Variants in AK6 observed in about 807,000 individuals in gnomAD.
AK6 encodes the protein adenylate kinase 6, also known as adenylate kinase isoenzyme 6.
A neutral mutation model predicts 23.7 loss-of-function variants in AK6; 24 were observed. That is an observed-to-expected ratio of 1.01 (90% CI 0.73 to 1.43). The LOEUF (loss-of-function observed/expected upper bound fraction) is 1.43, where lower values mean the gene tolerates loss of function less well. AK6 is among the 40% of genes most tolerant of loss of function. The pLI is 0.00. For synonymous variants in AK6, 73 were observed against 69.8 expected, an observed-to-expected ratio of 1.05 and a Z score of -0.23; for missense variants, 191 against 199.1, an observed-to-expected ratio of 0.96 and a Z score of 0.24.
intron 2 of AK6, among the ~76,000 whole-genome samples, chr5:69,359,547 A>G (rs1340448335): frequency 6.6e-6 from 1 of 152,100 alleles, no homozygotes; most frequent in Non-Finnish European, 1.5e-5. Flanking sequence ...GCCAGGCCCC[A>G]CAAAATTTTT....
intron 2 of AK6, among the ~76,000 whole-genome samples, chr5:69,364,524 T>G (rs1436416327): frequency 6.6e-6 from 1 of 152,172 alleles, no homozygotes; most frequent in East Asian, 1.9e-4. Context: ...AGGGGAGTCA[T>G]GGTTATACTT....
chr5:69,367,494 G>C (rs1762495183), intron 1 of AK6, among the ~76,000 whole-genome samples: 1 of 119,670 alleles, frequency 8.4e-6, no homozygotes, highest in Non-Finnish European at 1.7e-5. Flanking sequence ...TGGCGACAGA[G>C]ACTCCATCTC....
chr5:69,354,362 A>G (rs569019115), intron 4 of AK6, among the ~76,000 whole-genome samples: 2 of 152,274 alleles, frequency 1.3e-5, no homozygotes, highest in Non-Finnish European at 2.9e-5. Context: ...AACTTTTTCT[A>G]TATGTATATT....
intron 2 of AK6, among the ~76,000 whole-genome samples, chr5:69,361,957 A>T (rs1222860183): frequency 1.4e-5 from 2 of 146,212 alleles, no homozygotes; most frequent in Non-Finnish European, 3.0e-5. Flanking sequence ...CAGTTTTCTT[A>T]AACTTGATTC....
At chr5:69,360,969 G>A (rs1344770025) in intron 2 of AK6, among the ~76,000 whole-genome samples, 1 of 152,124 alleles carries the variant, frequency 6.6e-6, no homozygotes, top group Non-Finnish European at 1.5e-5. Flanking sequence ...ATATTACTTC[G>A]TCTAGACCTA....
At chr5:69,368,187 A>G (rs1275005399) in intron 1 of AK6, among the ~76,000 whole-genome samples, 1 of 152,234 alleles carries the variant, frequency 6.6e-6, no homozygotes, top group African/African-American at 2.4e-5. Flanking sequence ...TTTGTTATAT[A>G]AATACAACAC....
intron 1 of AK6, among the ~76,000 whole-genome samples, chr5:69,367,028 G>T (rs1365216426): frequency 6.6e-6 from 1 of 151,916 alleles, no homozygotes; most frequent in African/African-American, 2.4e-5. Context: ...TAAAGTGCTG[G>T]GATTACAGGC....
Position 69,369,512 on chromosome 5 carries a change from G to C in AK6, c.-22C>G, listed in dbSNP as rs1418790223. Reference sequence around the variant, plus strand: ...ACATGGTCCCCGCCGCGACGGCTTCGGGCGCCTCGCTCACGTGCCCTTTGC... The same window carrying C: ...ACATGGTCCCCGCCGCGACGGCTTCCGGCGCCTCGCTCACGTGCCCTTTGC... On this transcript the variant is annotated 5_prime_UTR_variant, in exon 1 of 5. Transcript: ENST00000380822. 6.2e-6 allele frequency: 10 copies of C among 1,611,070 alleles called. No homozygotes were observed. Among genetic ancestry groups the C allele is most frequent in the African/African-American group, 1.3e-5 (1 of 74,814 alleles).
intron 1 of AK6, 149 bp downstream of exon 1, chr5:69,369,314 C>T: frequency 1.5e-6 from 1 of 667,626 alleles, no homozygotes; most frequent in Non-Finnish European, 2.1e-6. Flanking sequence ...CCGCGAGGGT[C>T]GGCTCCCGGG....
chr5:69,356,036 G>A (rs2150730805), intron 2 of AK6, 83 bp from the exon 3 acceptor site: 2 of 1,167,078 alleles, frequency 1.7e-6, no homozygotes, highest in South Asian at 1.4e-5. Context: ...CTTCAGGAAA[G>A]GAAATGTATC....
intron 1 of AK6, among the ~76,000 whole-genome samples, chr5:69,368,173 ACT>A (rs957554752): frequency 6.6e-6 from 1 of 152,122 alleles, no homozygotes; most frequent in Non-Finnish European, 1.5e-5. Flanking sequence ...ATATGTACAT[ACT>A]CTTTGTTATA....
chr5:69,368,906 G>A lies in AK6; in HGVS notation c.28+557C>T, dbSNP rs566959325. On this transcript the variant is annotated intron_variant, in intron 1 of 4. Coordinates refer to ENST00000380822, the MANE Select transcript of AK6 (RefSeq NM_016283.5). ...TATGCCTTCCTTTTAAGGGGCGGGG[G>A]GATCCTTTGATGTAACTCAACAAAA... The A allele has an allele frequency of 2.2e-3, 344 of 153,024 alleles. 2 individuals are homozygous for A. The highest frequency in any genetic ancestry group is 3.4e-3 in the Middle Eastern group (1 of 296). 9.5% of individuals were successfully genotyped at this position (153,024 alleles called of 1,614,324 possible). A position where few individuals can be genotyped will look rare whatever the true frequency, so the allele number is the denominator to read the frequency against.
At chr5:69,365,667 T>C in intron 2 of AK6, 1 of 1,609,002 alleles carries the variant, frequency 6.2e-7, no homozygotes, top group Non-Finnish European at 8.5e-7. Flanking sequence ...CCCCATATCC[T>C]TCAGGATTTG....
rs1580298601 is a variant in AK6 at position 69,352,126 on chromosome 5, G to A, written c.454C>T (p.Leu152=). ...HQLPSNKPEE[L]ENNVDQILKW... is the part of the protein sequence containing the mutation. ...AAGATCTGATCTACATTATTTTCTA[G>A]CTCTTCTGGTTTATTACTGGGCAGC... is the stretch of plus-strand genomic sequence containing the variant. Residue 152 remains leucine (L), a synonymous_variant, in exon 5 of 5, where the codon CTA becomes TTA. Coordinates refer to ENST00000380822, the MANE Select transcript of AK6 (RefSeq NM_016283.5). The A allele has an allele frequency of 1.2e-6, 2 of 1,613,450 alleles. No homozygotes were observed. Among genetic ancestry groups the A allele is most frequent in the African/African-American group, 1.3e-5 (1 of 74,862 alleles).
At chr5:69,368,557 G>T (rs1293819552) in intron 1 of AK6, among the ~76,000 whole-genome samples, 2 of 152,170 alleles carry the variant, frequency 1.3e-5, no homozygotes, top group African/African-American at 4.8e-5. Context: ...AATTCTAAAC[G>T]TTATTTGTGG....
At position 69,369,428 on chromosome 5, in the gene AK6, C is replaced by A. The variant is rs776580412; in HGVS notation, c.28+35G>T. Reference sequence around the variant, plus strand: ...CAGAGCACTCTGCGCCCCCAGCCTGCCCCAGCCCAGTCCCTCCCGGCCGCG... The same window carrying A: ...CAGAGCACTCTGCGCCCCCAGCCTGACCCAGCCCAGTCCCTCCCGGCCGCG... On this transcript the variant is annotated intron_variant, in intron 1 of 4. Coordinates refer to ENST00000380822, the MANE Select transcript of AK6 (RefSeq NM_016283.5). 1.2e-5 allele frequency: 20 copies of A among 1,606,896 alleles called. No individual in the cohort carries two copies. In the South Asian group the frequency reaches 1.9e-4, roughly 15 times the overall value.
chr5:69,354,749 A>G (rs186246288), intron 4 of AK6, among the ~76,000 whole-genome samples: 218 of 152,362 alleles, frequency 1.4e-3, no homozygotes, highest in African/African-American at 5.1e-3. Context: ...TGTTCAGTCA[A>G]TAAGCAAAGA....
intron 2 of AK6, among the ~76,000 whole-genome samples, chr5:69,362,471 A>T (rs1409023835): frequency 6.6e-6 from 1 of 152,228 alleles, no homozygotes; most frequent in African/African-American, 2.4e-5. Context: ...GGGTTAAAAA[A>T]TCTGGTATGT....
intron 1 of AK6, among the ~76,000 whole-genome samples, chr5:69,367,136 T>C (rs886486843): frequency 2.0e-5 from 3 of 152,266 alleles, no homozygotes; most frequent in African/African-American, 7.2e-5. Context: ...ACCCAGTGTA[T>C]TGATTCTCCA....
Sources: gnomAD v4.1 joint callset for allele counts (sites outside exome capture counted in the v4.1 genomes callset) on GRCh38, gnomAD v4.1.1 for gene constraint, MANE v1.5 for transcripts, NCBI Gene and HGNC (gene_info 2026-07-23, HGNC 2026-07-21) for gene names.